The following SLC24A3 variants were observed in gnomAD, a reference collection of about 807,000 sequenced individuals.
SLC24A3 encodes the protein solute carrier family 24 member 3.
SLC24A3 carries 28 observed loss-of-function variants against 75.8 expected under a neutral mutation model. That is an observed-to-expected ratio of 0.37 (90% CI 0.27 to 0.51). The LOEUF is 0.51. SLC24A3 is among the 20% of genes least tolerant of loss of function. The probability of loss-of-function intolerance (pLI) is 0.94; values close to 1 mark genes in which losing one functional copy is unlikely to be tolerated. For synonymous variants in SLC24A3, 372 were observed against 334.1 expected (o/e 1.11, Z -1.24); for missense variants, 663 against 847.8 (o/e 0.78, Z 2.71).
intron 2 of SLC24A3, among the ~76,000 whole-genome samples, chr20:19,392,064 G>T (rs1377081322): frequency 6.6e-6 from 1 of 152,166 alleles, no homozygotes; most frequent in East Asian, 1.9e-4. Context: ...TTGCCTAGGT[G>T]TCGGGGGCAC....
intron 6 of SLC24A3, among the ~76,000 whole-genome samples, chr20:19,597,870 C>A (rs1159798088): frequency 6.6e-6 from 1 of 152,124 alleles, no homozygotes; most frequent in Non-Finnish European, 1.5e-5. Flanking sequence ...TGATGACGTC[C>A]AATTCCATCC....
At chr20:19,373,860 G>A (rs912005909) in intron 2 of SLC24A3, among the ~76,000 whole-genome samples, 1 of 152,150 alleles carries the variant, frequency 6.6e-6, no homozygotes, top group Non-Finnish European at 1.5e-5. Context: ...TGAGATCAGC[G>A]GTGGGAGCAG....
intron 1 of SLC24A3, among the ~76,000 whole-genome samples, chr20:19,275,192 A>G (rs1184360387): frequency 2.0e-5 from 3 of 152,156 alleles, no homozygotes; most frequent in African/African-American, 2.4e-5. Flanking sequence ...CCCTAAGGCC[A>G]CTTCCCTGGG....
Position 19,323,078 on chromosome 20 carries a change from C to T in SLC24A3, c.271+41991C>T, listed in dbSNP as rs551651337. Among the ~76,000 whole-genome samples, 16 of 151,184 alleles carry T rather than the reference C, an allele frequency of 1.1e-4. No individual in the cohort carries two copies. The East Asian group carries it at 2.7e-3, about 26-fold the overall frequency. ...AAAATTAGCCGGGCGTGGTAGCGGG[C>T]GCCTGTAGTCCCAGCTACTCGGGAG... On this transcript the variant is annotated intron_variant, in intron 2 of 16. Transcript: ENST00000328041.
intron 6 of SLC24A3, among the ~76,000 whole-genome samples, chr20:19,651,724 G>A (rs1182388147): frequency 3.3e-5 from 5 of 151,970 alleles, no homozygotes; most frequent in African/African-American, 9.7e-5. Flanking sequence ...TGCCAGGCGT[G>A]GTGGTGGGCG....
At chr20:19,356,671 A>G (rs1568598379) in intron 2 of SLC24A3, among the ~76,000 whole-genome samples, 2 of 152,058 alleles carry the variant, frequency 1.3e-5, no homozygotes, top group African/African-American at 2.4e-5. Flanking sequence ...TCCTGGTGGG[A>G]TGAATTTGTC....
In SLC24A3 at chr20:19,295,797, A is replaced by T. The variant is rs569113204; in HGVS notation, c.271+14710A>T. Among the ~76,000 whole-genome samples the T allele has an allele frequency of 1.3e-4, 20 of 151,674 alleles. No homozygotes were observed. The East Asian group carries it at 3.1e-3, about 24-fold the overall frequency. On this transcript the variant is annotated intron_variant, in intron 2 of 16. Coordinates refer to ENST00000328041, the MANE Select transcript of SLC24A3 (RefSeq NM_020689.4). ...TTTTGCATAGATGTTCATCAGGGAT[A>T]TTGGCCTTAAGTTTTTTTTTTTGTT...
chr20:19,348,448 T>A (rs1985483875), intron 2 of SLC24A3, among the ~76,000 whole-genome samples: 1 of 152,130 alleles, frequency 6.6e-6, no homozygotes, highest in Non-Finnish European at 1.5e-5. Context: ...GGCATTTCCA[T>A]CATCACAGAA....
chr20:19,681,196 A>C (rs1023626222), intron 9 of SLC24A3, among the ~76,000 whole-genome samples: 2 of 152,216 alleles, frequency 1.3e-5, no homozygotes, highest in African/African-American at 4.8e-5. Context: ...GGAACACTGC[A>C]CAATGTATTC....
chr20:19,535,130 A>G (rs2030372723), intron 3 of SLC24A3, among the ~76,000 whole-genome samples: 2 of 152,250 alleles, frequency 1.3e-5, no homozygotes, highest in Non-Finnish European at 2.9e-5. Flanking sequence ...ACCATCCTCA[A>G]GGCTCATTAA....
intron 2 of SLC24A3, among the ~76,000 whole-genome samples, chr20:19,484,543 C>T (rs564803674): frequency 5.3e-5 from 8 of 152,316 alleles, no homozygotes; most frequent in South Asian, 4.1e-4. Context: ...TGTTACACAA[C>T]GGATGAGCCT....
intron 1 of SLC24A3, among the ~76,000 whole-genome samples, chr20:19,261,087 C>A (rs892719210): frequency 6.6e-6 from 1 of 152,206 alleles, no homozygotes; most frequent in African/African-American, 2.4e-5. Context: ...AAATCAGACA[C>A]CACCTTTCAC....
intron 2 of SLC24A3, among the ~76,000 whole-genome samples, chr20:19,449,154 A>G (rs1987438823): frequency 6.6e-6 from 1 of 152,234 alleles, no homozygotes; most frequent in African/African-American, 2.4e-5. Context: ...ACTGGATGAA[A>G]TGCCTCTCAG....
At chr20:19,506,742 A>G (rs1418987537) in intron 2 of SLC24A3, among the ~76,000 whole-genome samples, 1 of 151,574 alleles carries the variant, frequency 6.6e-6, no homozygotes, top group Non-Finnish European at 1.5e-5. Flanking sequence ...TCCCAAGCTA[A>G]CCTCAACTGT....
chr20:19,413,719 C>T (rs1252544995), intron 2 of SLC24A3, among the ~76,000 whole-genome samples: 2 of 152,170 alleles, frequency 1.3e-5, no homozygotes, highest in African/African-American at 2.4e-5. Context: ...TGACATTCTA[C>T]CATAGTTCCC....
chr20:19,532,952 C>T (rs2030328877), intron 3 of SLC24A3, among the ~76,000 whole-genome samples: 1 of 152,238 alleles, frequency 6.6e-6, no homozygotes, highest in South Asian at 2.1e-4. Flanking sequence ...TATCAGCTGT[C>T]AACATCCAGT....
At chr20:19,335,317 T>C (rs962597422) in intron 2 of SLC24A3, among the ~76,000 whole-genome samples, 6 of 152,176 alleles carry the variant, frequency 3.9e-5, no homozygotes, top group Admixed American at 1.3e-4. Context: ...TTTAGCTGGA[T>C]GGGTTTCCAG....
chr20:19,695,959 T>C (rs905559865), intron 13 of SLC24A3, among the ~76,000 whole-genome samples: 7 of 151,952 alleles, frequency 4.6e-5, no homozygotes, highest in Non-Finnish European at 8.8e-5. Flanking sequence ...GCTACCAAGC[T>C]TCAAGGAATA....
chr20:19,364,608 T>C (rs1438559388), intron 2 of SLC24A3, among the ~76,000 whole-genome samples: 1 of 152,098 alleles, frequency 6.6e-6, no homozygotes, highest in African/African-American at 2.4e-5. Flanking sequence ...GTGTGCACCA[T>C]CATGCCTGGT....
Sources: gnomAD v4.1 joint callset for allele counts (sites outside exome capture counted in the v4.1 genomes callset) on GRCh38, gnomAD v4.1.1 for gene constraint, MANE v1.5 for transcripts, NCBI Gene and HGNC (gene_info 2026-07-23, HGNC 2026-07-21) for gene names.